Variants in AGBL1 observed in about 807,000 individuals in gnomAD.
The protein encoded by AGBL1 is AGBL carboxypeptidase 1.
A neutral mutation model predicts 118.9 loss-of-function variants in AGBL1; 130 were observed. That is an observed-to-expected ratio of 1.09 (90% CI 0.95 to 1.26). The LOEUF is 1.26. Ranked by LOEUF, AGBL1 falls within the 50% of genes most tolerant of loss-of-function variation. AGBL1 has a pLI of 0.00. For missense variants in AGBL1, 1,584 were observed against 1,298.1 expected (o/e 1.22, Z -3.38); for synonymous variants, 555 against 478.9 (o/e 1.16, Z -2.08).
chr15:86,309,432 C>G lies in AGBL1; in HGVS notation c.2374+14024C>G, dbSNP rs139224253. Among the ~76,000 whole-genome samples, 235 of 152,274 alleles carry G rather than the reference C, an allele frequency of 1.5e-3. 1 individual carries two copies. The highest frequency in any genetic ancestry group is 5.5e-3 in the African/African-American group (227 of 41,554). On this transcript the variant is annotated intron_variant, in intron 17 of 22. Transcript: ENST00000614907. ...TGCCTAATTGGTCTGGCTAGGACCA[C>G]TAGTACTATATCGAATAGAAGTGGT... is the stretch of plus-strand genomic sequence containing the variant.
chr15:86,722,580 T>G (rs2086742822), intron 22 of AGBL1, among the ~76,000 whole-genome samples: 1 of 152,184 alleles, frequency 6.6e-6, no homozygotes, highest in Non-Finnish European at 1.5e-5. Context: ...GCAATGCCAT[T>G]CAGGACATAG....
At chr15:86,860,284 G>C (rs1389307017) in intron 22 of AGBL1, among the ~76,000 whole-genome samples, 2 of 152,062 alleles carry the variant, frequency 1.3e-5, no homozygotes, top group Non-Finnish European at 2.9e-5. Flanking sequence ...CACATGGTGA[G>C]TTCTGAATAG....
intron 21 of AGBL1, among the ~76,000 whole-genome samples, chr15:86,625,007 G>A (rs1000741318): frequency 1.1e-4 from 16 of 152,158 alleles, no homozygotes; most frequent in Non-Finnish European, 2.2e-4. Flanking sequence ...GGCAGTGCCC[G>A]TGAGTGAGAT....
chr15:86,986,346 A>G (rs1242919886), intron 23 of AGBL1, among the ~76,000 whole-genome samples: 2 of 152,228 alleles, frequency 1.3e-5, no homozygotes, highest in Non-Finnish European at 2.9e-5. Flanking sequence ...CTGGACTCCT[A>G]GCTTGTTACA....
intron 17 of AGBL1, among the ~76,000 whole-genome samples, chr15:86,329,106 C>T (rs78552197): frequency 0.019 from 2,877 of 152,134 alleles, 92 homozygotes; most frequent in African/African-American, 0.065. Context: ...TCCTAGGTGA[C>T]GAGACTTGCA....
chr15:86,782,135 ATTTG>A (rs1596475847), intron 22 of AGBL1, among the ~76,000 whole-genome samples: 1 of 152,212 alleles, frequency 6.6e-6, no homozygotes, highest in African/African-American at 2.4e-5. Flanking sequence ...CAAAAATTAT[ATTTG>A]TTTGTTATTT....
chr15:86,267,031 C>T lies in AGBL1; in HGVS notation c.1793C>T (p.Ser598Phe). The change falls in exon 13 of 23, where the codon TCC (serine) becomes TTC (phenylalanine). Residue 598 changes from serine (S) to phenylalanine (F), a missense_variant. Physicochemically the swap from Ser to Phe is radical, Grantham distance 155. Transcript: ENST00000614907. ...DNASNCLRFF[S>F]KFESGNLRKA... Reference sequence around the variant, plus strand: ...GCTTCCAATTGTTTACGGTTCTTCTCCAAATTTGAGTCAGGAAATCTTCGC... The same window carrying T: ...GCTTCCAATTGTTTACGGTTCTTCTTCAAATTTGAGTCAGGAAATCTTCGC... 6.4e-7 allele frequency: 1 copy of T among 1,571,220 alleles called. No individual in the cohort carries two copies. Among genetic ancestry groups the T allele is most frequent in the Non-Finnish European group, 8.6e-7 (1 of 1,156,852 alleles).
At chr15:86,544,333 G>A (rs544036559) in intron 19 of AGBL1, among the ~76,000 whole-genome samples, 10 of 152,260 alleles carry the variant, frequency 6.6e-5, no homozygotes, top group Admixed American at 5.2e-4. Context: ...GTTGTTGCAA[G>A]GTTCCTGGGA....
chr15:86,377,514 G>C (rs567851199), intron 17 of AGBL1, among the ~76,000 whole-genome samples: 1 of 152,052 alleles, frequency 6.6e-6, no homozygotes. Context: ...AATTTTTCCT[G>C]GTCAGTGCTA....
At position 86,817,807 on chromosome 15, in the gene AGBL1, T is replaced by C. The variant is rs532257458; in HGVS notation, c.3159-89280T>C. Reference sequence around the variant, plus strand: ...AGGGTCTTTGCAGACGTAATTAAGATGTTACTCAAGATCTTAGTTAAGATG... The same window carrying C: ...AGGGTCTTTGCAGACGTAATTAAGACGTTACTCAAGATCTTAGTTAAGATG... On this transcript the variant is annotated intron_variant, in intron 22 of 22. Coordinates refer to ENST00000614907, the MANE Select transcript of AGBL1 (RefSeq NM_001386094.1). Among the ~76,000 whole-genome samples the C allele has an allele frequency of 4.6e-5, 7 of 152,224 alleles. No homozygotes were observed. The South Asian group carries it at 1.5e-3, about 32-fold the overall frequency.
At chr15:86,506,674 A>G (rs1011366572) in intron 18 of AGBL1, among the ~76,000 whole-genome samples, 1 of 152,076 alleles carries the variant, frequency 6.6e-6, no homozygotes, top group African/African-American at 2.4e-5. Flanking sequence ...TAAATTCAGA[A>G]CCGATGACAG....
intron 6 of AGBL1, among the ~76,000 whole-genome samples, chr15:86,244,516 G>A (rs1356398167): frequency 7.0e-6 from 1 of 143,164 alleles, no homozygotes; most frequent in Non-Finnish European, 1.6e-5. Flanking sequence ...ATTGACGGGT[G>A]TAGGGTCGCG....
At chr15:86,603,427 A>ACCCC (rs2084526029) in intron 21 of AGBL1, among the ~76,000 whole-genome samples, 1 of 151,748 alleles carries the variant, frequency 6.6e-6, no homozygotes, top group South Asian at 2.1e-4. Flanking sequence ...TGTTCCCCAC[A>ACCCC]CCCCCGCCCC....
At chr15:86,743,086 C>T (rs949747517) in intron 22 of AGBL1, among the ~76,000 whole-genome samples, 15 of 152,052 alleles carry the variant, frequency 9.9e-5, no homozygotes, top group African/African-American at 1.7e-4. Context: ...TCCCAAGGAG[C>T]GTGGTCACAG....
At chr15:86,310,721 C>T (rs927240172) in intron 17 of AGBL1, among the ~76,000 whole-genome samples, 1 of 152,108 alleles carries the variant, frequency 6.6e-6, no homozygotes, top group African/African-American at 2.4e-5. Context: ...AGCCTAGAGC[C>T]TGGGGCCACA....
chr15:86,526,544 G>GTGTGTATA (rs754816154), intron 19 of AGBL1, among the ~76,000 whole-genome samples: 27,085 of 118,948 alleles, frequency 0.23, 3,467 homozygotes, highest in Non-Finnish European at 0.28. Context: ...TTGTGTCTGT[G>GTGTGTATA]TATATATATA....
At chr15:86,804,091 G>A (rs1273467313) in intron 22 of AGBL1, among the ~76,000 whole-genome samples, 1 of 152,106 alleles carries the variant, frequency 6.6e-6, no homozygotes, top group Non-Finnish European at 1.5e-5. Flanking sequence ...CAGGCTAGAA[G>A]ACAAAGGGAT....
intron 22 of AGBL1, among the ~76,000 whole-genome samples, chr15:86,753,053 C>A (rs1257766216): frequency 1.3e-5 from 2 of 152,088 alleles, no homozygotes; most frequent in East Asian, 3.9e-4. Flanking sequence ...TCCTTGACAA[C>A]TCTTTTCTTT....
intron 22 of AGBL1, among the ~76,000 whole-genome samples, chr15:86,696,503 G>A (rs1413031940): frequency 1.3e-5 from 2 of 151,666 alleles, no homozygotes; most frequent in Non-Finnish European, 2.9e-5. Flanking sequence ...CTCGGAGGCA[G>A]CAGATAGATA....
Sources: allele counts gnomAD v4.1 joint callset (sites outside exome capture counted in the v4.1 genomes callset), GRCh38; gene constraint gnomAD v4.1.1; transcripts MANE v1.5; gene names NCBI Gene and HGNC (gene_info 2026-07-23, HGNC 2026-07-21).